Variants in NPAS3 observed in about 807,000 individuals in gnomAD.
The protein encoded by NPAS3 is neuronal PAS domain-containing protein 3.
A neutral mutation model predicts 73.1 loss-of-function variants in NPAS3; 14 were observed. The observed-to-expected ratio is 0.19, with a 90% confidence interval of 0.13 to 0.30. NPAS3 has a LOEUF of 0.30. Ranked by LOEUF, NPAS3 falls within the 10% of genes least tolerant of loss-of-function variation. The pLI is 1.00. For synonymous variants in NPAS3, 620 were observed against 541.5 expected (o/e 1.14, Z -2.01); for missense variants, 1,096 against 1,250.0 (o/e 0.88, Z 1.86).
rs1193153744 is a variant in NPAS3 at position 33,784,744 on chromosome 14, TA to T, written c.1153+6173del. 5.1e-3 allele frequency among the ~76,000 whole-genome samples: 533 copies of T among 103,904 alleles called. 11 individuals are homozygous for T. The highest frequency in any genetic ancestry group is 6.2e-3 in the African/African-American group (117 of 18,982). 68.2% of individuals were successfully genotyped at this position (103,904 alleles called of 152,430 possible). A position where few individuals can be genotyped will look rare whatever the true frequency, so the allele number is the denominator to read the frequency against. On this transcript the variant is annotated intron_variant, in intron 9 of 11. Transcript: ENST00000356141. ...ATTTTTATTTATTTATTTATTTATT[TA>T]TTTTTTTTTTTTTTTTTTTTTTGAG... is the stretch of plus-strand genomic sequence containing the variant.
chr14:33,778,622 C>A, intron 9 of NPAS3, 50 bp downstream of exon 9: 1 of 1,259,256 alleles, frequency 7.9e-7, no homozygotes, highest in Non-Finnish European at 1.2e-6. Context: ...TCAGCAATCT[C>A]TGAGGCTTGT....
At chr14:33,594,842 T>C (rs2057186954) in intron 5 of NPAS3, among the ~76,000 whole-genome samples, 1 of 152,210 alleles carries the variant, frequency 6.6e-6, no homozygotes, top group African/African-American at 2.4e-5. Context: ...TCATCCCAAA[T>C]GGTCTGAAGG....
At chr14:33,659,812 G>T (rs1451787642) in intron 5 of NPAS3, among the ~76,000 whole-genome samples, 2 of 152,022 alleles carry the variant, frequency 1.3e-5, no homozygotes. Context: ...GTTTTGTGTT[G>T]TGCTTAGGTA....
chr14:32,980,516 A>AT (rs1168014065), intron 1 of NPAS3, among the ~76,000 whole-genome samples: 1 of 152,194 alleles, frequency 6.6e-6, no homozygotes, highest in Non-Finnish European at 1.5e-5. Context: ...GGGGATATTA[A>AT]TTTTTTTGTA....
At chr14:33,252,365 C>T (rs1040488766) in intron 3 of NPAS3, among the ~76,000 whole-genome samples, 5 of 151,782 alleles carry the variant, frequency 3.3e-5, no homozygotes, top group Admixed American at 6.6e-5. Context: ...GGGTAGATGT[C>T]TTCTCTAGGT....
chr14:33,186,548 T>TA (rs2045980428), intron 2 of NPAS3, among the ~76,000 whole-genome samples: 1 of 152,212 alleles, frequency 6.6e-6, no homozygotes, highest in Non-Finnish European at 1.5e-5. Context: ...GTCATGATGA[T>TA]AGCTCAAGTT....
chr14:33,233,627 G>T lies in NPAS3; in HGVS notation c.385+18201G>T, dbSNP rs1274741162. On this transcript the variant is annotated intron_variant, in intron 3 of 11. Coordinates refer to ENST00000356141, the Ensembl canonical transcript of NPAS3. ...AACATACTGAGTTAATTATTCTTCT[G>T]TATGTAATGATTGACAATAAAGCTA... Among the ~76,000 whole-genome samples, 7 of 152,106 alleles carry T rather than the reference G, an allele frequency of 4.6e-5. 1 individual carries two copies. The highest frequency in any genetic ancestry group is 1.5e-5 in the Non-Finnish European group (1 of 68,000).
chr14:33,335,743 C>T (rs2044199077), intron 3 of NPAS3, among the ~76,000 whole-genome samples: 1 of 152,070 alleles, frequency 6.6e-6, no homozygotes, highest in Non-Finnish European at 1.5e-5. Flanking sequence ...TTATAATATG[C>T]CCCTTATAGC....
chr14:33,464,274 G>A (rs1269726927), intron 4 of NPAS3, among the ~76,000 whole-genome samples: 2 of 152,200 alleles, frequency 1.3e-5, no homozygotes, highest in Non-Finnish European at 2.9e-5. Context: ...AGTGAAGCTA[G>A]CATGTGTATG....
chr14:32,969,929 G>A (rs116370230), intron 1 of NPAS3, among the ~76,000 whole-genome samples: 1,615 of 152,210 alleles, frequency 0.011, 34 homozygotes, highest in African/African-American at 0.035. Flanking sequence ...TAAGTGAAAA[G>A]AAAACCACAT....
At chr14:33,679,151 C>T (rs1450947777) in intron 6 of NPAS3, among the ~76,000 whole-genome samples, 1 of 152,180 alleles carries the variant, frequency 6.6e-6, no homozygotes, top group African/African-American at 2.4e-5. Context: ...TTGACTTGGG[C>T]TCATCAGCTA....
At chr14:33,753,066 C>G (rs1464048057) in intron 7 of NPAS3, among the ~76,000 whole-genome samples, 2 of 152,112 alleles carry the variant, frequency 1.3e-5, no homozygotes, top group African/African-American at 2.4e-5. Flanking sequence ...ACGGCTGATT[C>G]TTCTTAAAGA....
At chr14:33,544,901 G>A (rs1252010175) in intron 4 of NPAS3, among the ~76,000 whole-genome samples, 1 of 144,030 alleles carries the variant, frequency 6.9e-6, no homozygotes, top group African/African-American at 2.6e-5. Flanking sequence ...ATTGTGGTAT[G>A]TGTATATAGA....
At chr14:33,344,103 A>C (rs989481951) in intron 3 of NPAS3, among the ~76,000 whole-genome samples, 2 of 152,194 alleles carry the variant, frequency 1.3e-5, no homozygotes, top group Non-Finnish European at 2.9e-5. Flanking sequence ...TGAGTGGCTT[A>C]AAACTGATTA....
At chr14:33,116,099 T>G (rs2043056926) in intron 2 of NPAS3, among the ~76,000 whole-genome samples, 1 of 152,204 alleles carries the variant, frequency 6.6e-6, no homozygotes, top group African/African-American at 2.4e-5. Context: ...TGTAAGCTAC[T>G]TGGGTGCCTT....
intron 3 of NPAS3, among the ~76,000 whole-genome samples, chr14:33,263,494 C>G (rs1289828659): frequency 6.6e-5 from 10 of 152,142 alleles, no homozygotes; most frequent in Admixed American, 2.0e-4. Flanking sequence ...TGTTTTGGTA[C>G]CAGTACCACG....
intron 4 of NPAS3, among the ~76,000 whole-genome samples, chr14:33,547,119 A>G (rs1364343301): frequency 3.3e-5 from 5 of 152,178 alleles, no homozygotes; most frequent in Non-Finnish European, 7.4e-5. Flanking sequence ...AACCCTTAAT[A>G]TATTTTTATT....
At chr14:33,513,120 T>G (rs897106680) in intron 4 of NPAS3, among the ~76,000 whole-genome samples, 1 of 152,048 alleles carries the variant, frequency 6.6e-6, no homozygotes, top group Non-Finnish European at 1.5e-5. Context: ...GACCGTTCAC[T>G]CATTGACAGA....
At chr14:33,607,033 G>A (rs1466581438) in intron 5 of NPAS3, among the ~76,000 whole-genome samples, 2 of 152,172 alleles carry the variant, frequency 1.3e-5, no homozygotes, top group African/African-American at 2.4e-5. Flanking sequence ...ATTCCACTGT[G>A]TACCTATTAG....
Sources: gnomAD v4.1 joint callset for allele counts (sites outside exome capture counted in the v4.1 genomes callset) on GRCh38, gnomAD v4.1.1 for gene constraint, MANE v1.5 for transcripts, NCBI Gene and HGNC (gene_info 2026-07-23, HGNC 2026-07-21) for gene names.